Variants in LIG3 observed in about 807,000 individuals in gnomAD.
LIG3 encodes ligase II, DNA, ATP-dependent.
In LIG3, 58 loss-of-function variants were observed where a neutral mutation model predicts 110.9. That is an observed-to-expected ratio of 0.52 (90% CI 0.42 to 0.65). The LOEUF is 0.65. Among genes scored for constraint, LIG3 ranks in the 30% least tolerant of loss-of-function variants. The probability of loss-of-function intolerance (pLI) is 0.00; values close to 1 mark genes in which losing one functional copy is unlikely to be tolerated. For synonymous variants in LIG3, 422 were observed against 472.8 expected, an observed-to-expected ratio of 0.89 and a Z score of 1.39; for missense variants, 1,094 against 1,273.8, an observed-to-expected ratio of 0.86 and a Z score of 2.15.
intron 3 of LIG3, among the ~76,000 whole-genome samples, chr17:34,988,925 T>C (rs1192127666): frequency 1.3e-5 from 2 of 152,178 alleles, no homozygotes; most frequent in African/African-American, 4.8e-5. Flanking sequence ...TAATTTCACA[T>C]TGTCTAACAC....
At chr17:34,980,747 G>A in intron 1 of LIG3, 125 bp downstream of exon 1, 1 of 403,108 alleles carries the variant, frequency 2.5e-6, no homozygotes, top group Non-Finnish European at 3.4e-6. Context: ...CCCGCCTGCG[G>A]AGCCCCGGGG....
chr17:35,005,383 A>G lies in LIG3; in HGVS notation c.*877A>G, dbSNP rs1460453605. ...AGAAGCCACCCTGGCTGCACATGCC[A>G]TCAGCCATGACTGTGTATGCTCTGG... On this transcript the variant is annotated 3_prime_UTR_variant, in exon 20 of 20. Transcript: ENST00000378526. 7.2e-6 allele frequency: 4 copies of G among 558,726 alleles called. No individual in the cohort carries two copies. Among genetic ancestry groups the G allele is most frequent in the African/African-American group, 5.7e-5 (3 of 52,834 alleles). 34.6% of individuals were successfully genotyped at this position (558,726 alleles called of 1,614,324 possible).
chr17:34,996,694 A>G (rs2090781921), intron 11 of LIG3, 41 bp downstream of exon 11: 1 of 1,521,816 alleles, frequency 6.6e-7, no homozygotes, highest in African/African-American at 1.4e-5. Context: ...ACTGCCAGGA[A>G]TCTGTTTTCA....
chr17:34,998,742 T>C lies in LIG3; in HGVS notation c.2113+15T>C. The C allele has an allele frequency of 6.2e-7, 1 of 1,612,506 alleles. No individual in the cohort carries two copies. On this transcript the variant is annotated intron_variant, in intron 14 of 19. Transcript: ENST00000378526. ...AGGGAGCAAAGGTCAGGGTGGCCTCTGCCCCCTGGGGTGGTACTGTTTTAG... is the reference window on the plus strand; with the variant it reads ...AGGGAGCAAAGGTCAGGGTGGCCTCCGCCCCCTGGGGTGGTACTGTTTTAG...
Position 35,006,493 on chromosome 17 carries a change from G to A in LIG3, c.*1987G>A, listed in dbSNP as rs2090896122. On this transcript the variant is annotated 3_prime_UTR_variant, in exon 20 of 20. Coordinates refer to ENST00000378526, the MANE Select transcript of LIG3 (RefSeq NM_013975.4). Reference sequence around the variant, plus strand: ...AATCATAGGGTTGTCCTGTTGTCCTGAGCAACATTATGTAAAGCACTTAGC... The same window carrying A: ...AATCATAGGGTTGTCCTGTTGTCCTAAGCAACATTATGTAAAGCACTTAGC... The A allele has an allele frequency of 6.6e-6, 1 of 152,240 alleles. No individual in the cohort carries two copies. The highest frequency in any genetic ancestry group is 2.4e-5 in the African/African-American group (1 of 41,428). 9.4% of individuals were successfully genotyped at this position (152,240 alleles called of 1,614,324 possible).
In LIG3 at chr17:35,005,924, G is replaced by C. The variant is rs1234547600; in HGVS notation, c.*1418G>C. On this transcript the variant is annotated 3_prime_UTR_variant, in exon 20 of 20. Transcript: ENST00000378526. Reference sequence around the variant, plus strand: ...ACTAGAATTTCTTCTTGGTATCAGAGAGACAAGTTTATCACAGTATTTTTT... The same window carrying C: ...ACTAGAATTTCTTCTTGGTATCAGACAGACAAGTTTATCACAGTATTTTTT... The C allele has an allele frequency of 6.4e-6, 2 of 314,018 alleles. No individual in the cohort carries two copies. The highest frequency in any genetic ancestry group is 1.2e-5 in the Non-Finnish European group (2 of 163,018). The allele number at this position is 314,018 out of a possible 1,614,324, so 19.5% of individuals were successfully genotyped here.
intron 8 of LIG3, 81 bp downstream of exon 8, chr17:34,992,773 T>G: frequency 7.5e-7 from 1 of 1,328,146 alleles, no homozygotes; most frequent in Non-Finnish European, 1.0e-6. Flanking sequence ...AGGGTATGAG[T>G]GTTGAGAGCA....
At chr17:34,989,366 A>G in intron 3 of LIG3, 100 bp from the exon 4 acceptor site, 2 of 1,088,452 alleles carry the variant, frequency 1.8e-6, no homozygotes, top group South Asian at 3.0e-5. Flanking sequence ...GGGAGATTAA[A>G]TAAAGCTAAA....
intron 2 of LIG3, 182 bp from the exon 3 acceptor site, chr17:34,985,806 C>T (rs950250180): frequency 7.5e-5 from 38 of 509,318 alleles, no homozygotes; most frequent in Non-Finnish European, 1.3e-4. Context: ...CCCTTCTGTC[C>T]CCACAATACC....
chr17:34,984,056 G>A (rs1200364479), intron 2 of LIG3, among the ~76,000 whole-genome samples: 1 of 152,170 alleles, frequency 6.6e-6, no homozygotes, highest in Non-Finnish European at 1.5e-5. Context: ...CTTAAGAATA[G>A]GATATATGAC....
In LIG3 at chr17:34,992,557, C is replaced by G. The variant is rs760789880; in HGVS notation, c.1320C>G (p.Ala440=). Residue 440 remains alanine, a synonymous_variant, in exon 8 of 20, where the codon GCC becomes GCG. Coordinates refer to ENST00000378526, the MANE Select transcript of LIG3 (RefSeq NM_013975.4). The stretch of plus-strand genomic sequence containing the variant: ...CCCTTGACCCCAATGCCTATGAAGC[C>G]TTCAAAGCCTCGCGCAACCTGCAGG... ...LDALDPNAYE[A]FKASRNLQDV... is the part of the protein sequence containing the mutation. 1.2e-6 allele frequency: 2 copies of G among 1,611,686 alleles called. No individual in the cohort carries two copies. The highest frequency in any genetic ancestry group is 1.7e-6 in the Non-Finnish European group (2 of 1,178,866).
chr17:34,989,064 ACTCCTGGGCTCAAGCAGTC>A (rs1281806600), intron 3 of LIG3, among the ~76,000 whole-genome samples: 1 of 151,722 alleles, frequency 6.6e-6, no homozygotes, highest in Non-Finnish European at 1.5e-5. Flanking sequence ...CTGGTCTCGA[ACTCCTGGGCTCAAGCAGTC>A]CTCCCGCGTT....
At position 35,009,357 on chromosome 17, in the gene LIG3, C is replaced by T. The variant is rs1195809295; in HGVS notation, c.*4851C>T. 1.3e-5 allele frequency: 2 copies of T among 152,292 alleles called. No homozygotes were observed. The highest frequency in any genetic ancestry group is 2.1e-4 in the South Asian group (1 of 4,832). The allele number at this position is 152,292 out of a possible 1,614,324, so 9.4% of individuals were successfully genotyped here. ...TTCCAATGTATTATGAACCAGTCAGCTATCTGTCTTTTGAAACAAGTCTTA... is the reference window on the plus strand; with the variant it reads ...TTCCAATGTATTATGAACCAGTCAGTTATCTGTCTTTTGAAACAAGTCTTA... On this transcript the variant is annotated 3_prime_UTR_variant, in exon 20 of 20. Coordinates refer to ENST00000378526, the MANE Select transcript of LIG3 (RefSeq NM_013975.4).
chr17:34,999,452 G>A lies in LIG3; in HGVS notation c.2256+3G>A, dbSNP rs752154128. 3.1e-6 allele frequency: 5 copies of A among 1,613,462 alleles called. No individual in the cohort carries two copies. The South Asian group carries it at 5.5e-5, about 18-fold the overall frequency. ...TAGACATGGTGAAGATCAGCAAGGT[G>A]AGGAAGGGACCTGGTTGGCCATGGC... On this transcript the variant is annotated splice_donor_region_variant and intron_variant, in intron 15 of 19. Coordinates refer to ENST00000378526, the MANE Select transcript of LIG3 (RefSeq NM_013975.4).
intron 10 of LIG3, 101 bp downstream of exon 10, chr17:34,996,296 T>C: frequency 3.8e-6 from 5 of 1,333,028 alleles, no homozygotes; most frequent in Non-Finnish European, 5.2e-6. Context: ...TATCCCTTAG[T>C]GTGGCCCTTA....
chr17:34,989,097 C>T (rs985780812), intron 3 of LIG3, among the ~76,000 whole-genome samples: 25 of 152,062 alleles, frequency 1.6e-4, no homozygotes, highest in Non-Finnish European at 5.9e-5. Context: ...CCGCGTTGGC[C>T]TCGCATAGTG....
At chr17:35,003,143 G>A (rs2090862619) in intron 19 of LIG3, 12 of 1,568,270 alleles carry the variant, frequency 7.7e-6, no homozygotes, top group Non-Finnish European at 1.0e-5. Flanking sequence ...CAGTCTGGGT[G>A]TGGGAATGCA....
In LIG3 at chr17:35,007,734, AC is replaced by A. The variant is rs1415536333; in HGVS notation, c.*3230del. 4 of 147,270 alleles carry A rather than the reference AC, an allele frequency of 2.7e-5. No individual in the cohort carries two copies. Among genetic ancestry groups the A allele is most frequent in the Non-Finnish European group, 4.5e-5 (3 of 67,112 alleles). 9.1% of individuals were successfully genotyped at this position (147,270 alleles called of 1,614,324 possible). A position where few individuals can be genotyped will look rare whatever the true frequency, so the allele number is the denominator to read the frequency against. ...AGCAGTCTGTCACGAGGCTGGGCCA[AC>A]CTTTTTTTTTTTTTTAAACAGACTC... On this transcript the variant is annotated 3_prime_UTR_variant, in exon 20 of 20. Coordinates refer to ENST00000378526, the MANE Select transcript of LIG3 (RefSeq NM_013975.4).
intron 8 of LIG3, 94 bp from the exon 9 acceptor site, chr17:34,994,182 A>G: frequency 1.6e-6 from 2 of 1,220,080 alleles, no homozygotes; most frequent in Non-Finnish European, 2.3e-6. Flanking sequence ...GACCCAGGTA[A>G]CTACCCTCAC....
Sources: gnomAD v4.1 joint callset for allele counts (sites outside exome capture counted in the v4.1 genomes callset) on GRCh38, gnomAD v4.1.1 for gene constraint, MANE v1.5 for transcripts, NCBI Gene and HGNC (gene_info 2026-07-23, HGNC 2026-07-21) for gene names.